The following RIT2 variants were observed in gnomAD, a reference collection of about 807,000 sequenced individuals.
RIT2 encodes GTP-binding protein Rit2.
In RIT2, 24 loss-of-function variants were observed where a neutral mutation model predicts 23.7. That is an observed-to-expected ratio of 1.01 (90% CI 0.73 to 1.43). RIT2 has a LOEUF of 1.43. RIT2 is among the 40% of genes most tolerant of loss of function. RIT2 has a pLI of 0.00. For missense variants in RIT2, 236 were observed against 266.9 expected (o/e 0.88, Z 0.81); for synonymous variants, 107 against 91.1 (o/e 1.17, Z -0.99).
At chr18:42,851,546 T>C (rs1907053933) in intron 4 of RIT2, among the ~76,000 whole-genome samples, 1 of 152,124 alleles carries the variant, frequency 6.6e-6, no homozygotes, top group Admixed American at 6.5e-5. Context: ...TTTTTAACCC[T>C]TGAACTCTTA....
At chr18:43,098,188 C>T (rs953284511) in intron 1 of RIT2, among the ~76,000 whole-genome samples, 1 of 151,934 alleles carries the variant, frequency 6.6e-6, no homozygotes, top group African/African-American at 2.4e-5. Context: ...AGGTTTTCTG[C>T]ATGAGAAACT....
intron 4 of RIT2, among the ~76,000 whole-genome samples, chr18:42,789,921 C>T (rs1347963176): frequency 6.6e-6 from 1 of 152,150 alleles, no homozygotes; most frequent in Non-Finnish European, 1.5e-5. Flanking sequence ...GGAATGCTTT[C>T]AACTTTTCCC....
intron 4 of RIT2, among the ~76,000 whole-genome samples, chr18:42,749,145 A>C (rs1445039817): frequency 6.6e-6 from 1 of 151,974 alleles, no homozygotes; most frequent in Non-Finnish European, 1.5e-5. Context: ...AGTCCAAAAT[A>C]AATGAAATTG....
intron 4 of RIT2, among the ~76,000 whole-genome samples, chr18:42,760,902 T>C (rs1407118245): frequency 2.6e-5 from 4 of 152,170 alleles, no homozygotes; most frequent in Admixed American, 6.5e-5. Context: ...GAGGGTAAGG[T>C]TGGGGACTCC....
intron 2 of RIT2, among the ~76,000 whole-genome samples, chr18:43,003,910 A>G: frequency 6.6e-6 from 1 of 151,454 alleles, no homozygotes; most frequent in East Asian, 2.0e-4. Context: ...AAAAATCTCA[A>G]TTTTCCTACC....
chr18:42,947,410 T>C (rs1160390649), intron 3 of RIT2, among the ~76,000 whole-genome samples: 1 of 152,132 alleles, frequency 6.6e-6, no homozygotes, highest in Non-Finnish European at 1.5e-5. Context: ...GAGTGAATCT[T>C]TCATTGCCCA....
At chr18:43,050,893 C>G (rs1462864098) in intron 1 of RIT2, among the ~76,000 whole-genome samples, 2 of 152,124 alleles carry the variant, frequency 1.3e-5, no homozygotes, top group Non-Finnish European at 2.9e-5. Flanking sequence ...CTACGTGTCT[C>G]TTCATTTGTA....
At chr18:42,889,322 T>C (rs1157989301) in intron 4 of RIT2, among the ~76,000 whole-genome samples, 1 of 152,056 alleles carries the variant, frequency 6.6e-6, no homozygotes, top group East Asian at 1.9e-4. Flanking sequence ...TAAGTTAACA[T>C]AAACAACTTC....
intron 4 of RIT2, among the ~76,000 whole-genome samples, chr18:42,765,609 G>A (rs1315702369): frequency 6.6e-6 from 1 of 152,140 alleles, no homozygotes; most frequent in Non-Finnish European, 1.5e-5. Flanking sequence ...AAGCAGAGAG[G>A]CTGAAAGAAC....
At chr18:42,790,843 G>A (rs185464376) in intron 4 of RIT2, among the ~76,000 whole-genome samples, 1 of 152,292 alleles carries the variant, frequency 6.6e-6, no homozygotes, top group Non-Finnish European at 1.5e-5. Context: ...GCAAATTTAT[G>A]CTCAAAGAAG....
chr18:42,883,406 T>C (rs1322771369), intron 4 of RIT2, among the ~76,000 whole-genome samples: 2 of 152,236 alleles, frequency 1.3e-5, no homozygotes, highest in Non-Finnish European at 2.9e-5. Context: ...TTAATTTTCT[T>C]GCCAAACATT....
chr18:42,765,895 C>T (rs1913409827), intron 4 of RIT2, among the ~76,000 whole-genome samples: 1 of 152,072 alleles, frequency 6.6e-6, no homozygotes, highest in African/African-American at 2.4e-5. Context: ...GAATAAGTCT[C>T]ATGAGATCTA....
chr18:42,859,484 T>C (rs1263341369), intron 4 of RIT2, among the ~76,000 whole-genome samples: 1 of 152,210 alleles, frequency 6.6e-6, no homozygotes, highest in Non-Finnish European at 1.5e-5. Context: ...TTTTCCAATA[T>C]TTTCTTTCAT....
chr18:42,748,747 A>G (rs955191223), intron 4 of RIT2, among the ~76,000 whole-genome samples: 1 of 151,972 alleles, frequency 6.6e-6, no homozygotes, highest in Non-Finnish European at 1.5e-5. Flanking sequence ...GATACAATGG[A>G]TTTTGGGGAC....
At chr18:42,902,592 T>G (rs573721726) in intron 4 of RIT2, among the ~76,000 whole-genome samples, 1 of 76,170 alleles carries the variant, frequency 1.3e-5, no homozygotes, top group Non-Finnish European at 2.6e-5. Flanking sequence ...AATAATAATT[T>G]ATTGGAAGAT....
At chr18:42,748,082 A>T (rs1912960173) in intron 4 of RIT2, among the ~76,000 whole-genome samples, 1 of 152,160 alleles carries the variant, frequency 6.6e-6, no homozygotes, top group African/African-American at 2.4e-5. Context: ...CAAAATAAAC[A>T]ATCAGCAGAG....
At chr18:43,098,420 G>C (rs1267525806) in intron 1 of RIT2, among the ~76,000 whole-genome samples, 2 of 151,814 alleles carry the variant, frequency 1.3e-5, no homozygotes, top group African/African-American at 2.4e-5. Flanking sequence ...GCTCAGGATT[G>C]CATGAATCTT....
chr18:42,767,934 C>T (rs143121305), intron 4 of RIT2, among the ~76,000 whole-genome samples: 1 of 152,092 alleles, frequency 6.6e-6, no homozygotes, highest in Non-Finnish European at 1.5e-5. Context: ...TTTGAAGCCT[C>T]CCCAGCCATG....
intron 4 of RIT2, among the ~76,000 whole-genome samples, chr18:42,827,516 T>C (rs7236730): frequency 0.039 from 5,881 of 150,034 alleles, 353 homozygotes; most frequent in African/African-American, 0.13. Flanking sequence ...AAAATTGAAA[T>C]TAAAAGGTAA....
Sources: gnomAD v4.1 joint callset for allele counts (sites outside exome capture counted in the v4.1 genomes callset) on GRCh38, gnomAD v4.1.1 for gene constraint, MANE v1.5 for transcripts, NCBI Gene and HGNC (gene_info 2026-07-23, HGNC 2026-07-21) for gene names.